TMEM108: variants seen among roughly 807,000 people sequenced by gnomAD.
The protein encoded by TMEM108 is transmembrane protein 108.
A neutral mutation model predicts 35.1 loss-of-function variants in TMEM108; 12 were observed. The ratio of observed to expected loss-of-function variants is 0.34; its 90% CI spans 0.22 to 0.55. The LOEUF is 0.55. Among genes scored for constraint, TMEM108 ranks in the 20% least tolerant of loss-of-function variants. The pLI is 0.89. For synonymous variants in TMEM108, 287 were observed against 308.6 expected (o/e 0.93, Z 0.73); for missense variants, 680 against 753.3 (o/e 0.90, Z 1.14).
chr3:133,207,422 G>A (rs1045869440), intron 2 of TMEM108, among the ~76,000 whole-genome samples: 9 of 152,052 alleles, frequency 5.9e-5, no homozygotes, highest in African/African-American at 2.2e-4. Context: ...AGCTGTTCCT[G>A]TTTGGCCATC....
intron 2 of TMEM108, among the ~76,000 whole-genome samples, chr3:133,150,769 C>T (rs1044050481): frequency 6.6e-6 from 1 of 152,110 alleles, no homozygotes; most frequent in Admixed American, 6.6e-5. Flanking sequence ...GAGAAGTAGT[C>T]TGATGGCGCA....
chr3:133,053,801 T>C (rs1943433849), intron 2 of TMEM108, among the ~76,000 whole-genome samples: 1 of 152,198 alleles, frequency 6.6e-6, no homozygotes, highest in Non-Finnish European at 1.5e-5. Flanking sequence ...GTTCAGCATT[T>C]CCATTTTAGA....
intron 2 of TMEM108, among the ~76,000 whole-genome samples, chr3:133,150,400 G>A (rs61674656): frequency 0.28 from 36,363 of 131,140 alleles, 5,307 homozygotes; most frequent in African/African-American, 0.42. Context: ...TCGGATATTA[G>A]CCACCTATTA....
At chr3:133,365,388 T>C (rs550174204) in intron 3 of TMEM108, among the ~76,000 whole-genome samples, 3 of 152,356 alleles carry the variant, frequency 2.0e-5, no homozygotes. Flanking sequence ...TTCTGGCATT[T>C]ATTTTCTCTC....
intron 2 of TMEM108, among the ~76,000 whole-genome samples, chr3:133,178,119 C>A (rs916911530): frequency 1.3e-5 from 2 of 152,136 alleles, no homozygotes; most frequent in African/African-American, 4.8e-5. Flanking sequence ...ATGTGAAGGA[C>A]CTCTTCAAGG....
chr3:133,227,754 A>T (rs1175016857), intron 2 of TMEM108, among the ~76,000 whole-genome samples: 1 of 151,516 alleles, frequency 6.6e-6, no homozygotes, highest in Non-Finnish European at 1.5e-5. Flanking sequence ...AATTAGCTGG[A>T]TGTGGTGGTG....
At chr3:133,066,503 C>A (rs939590172) in intron 2 of TMEM108, among the ~76,000 whole-genome samples, 1 of 151,868 alleles carries the variant, frequency 6.6e-6, no homozygotes, top group Non-Finnish European at 1.5e-5. Flanking sequence ...CTTTTAGGGC[C>A]GATATTCATG....
chr3:133,264,788 T>C (rs1946674042), intron 3 of TMEM108, among the ~76,000 whole-genome samples: 1 of 152,180 alleles, frequency 6.6e-6, no homozygotes. Flanking sequence ...TTACCTACCC[T>C]ATAGGCTTAC....
At chr3:133,181,008 T>TGAAAAAAAAAAAA (rs1342312044) in intron 2 of TMEM108, among the ~76,000 whole-genome samples, 1 of 75,866 alleles carries the variant, frequency 1.3e-5, no homozygotes, top group Non-Finnish European at 2.5e-5. Flanking sequence ...GCAGTTGTGT[T>TGAAAAAAAAAAAA]AAAAAAAAAA....
At chr3:133,086,061 A>T (rs1345494597) in intron 2 of TMEM108, among the ~76,000 whole-genome samples, 1 of 152,212 alleles carries the variant, frequency 6.6e-6, no homozygotes, top group East Asian at 1.9e-4. Context: ...ATTATTGCTT[A>T]CTAAGGAGAT....
At chr3:133,050,978 G>T (rs200656643) in intron 2 of TMEM108, among the ~76,000 whole-genome samples, 1 of 145,368 alleles carries the variant, frequency 6.9e-6, no homozygotes, top group African/African-American at 2.5e-5. Flanking sequence ...CTGTGTGCGA[G>T]TTTTTTTTTT....
At chr3:133,219,314 T>A (rs182481538) in intron 2 of TMEM108, among the ~76,000 whole-genome samples, 18 of 152,218 alleles carry the variant, frequency 1.2e-4, no homozygotes, top group Admixed American at 1.1e-3. Context: ...GTTTCATTGA[T>A]CTTTTCTATT....
At chr3:133,304,299 T>G (rs1947271477) in intron 3 of TMEM108, among the ~76,000 whole-genome samples, 1 of 152,194 alleles carries the variant, frequency 6.6e-6, no homozygotes, top group Non-Finnish European at 1.5e-5. Context: ...GTCTCATATA[T>G]TGCATGTTCC....
chr3:133,111,604 T>G (rs1433775074), intron 2 of TMEM108, among the ~76,000 whole-genome samples: 1 of 152,182 alleles, frequency 6.6e-6, no homozygotes, highest in Non-Finnish European at 1.5e-5. Flanking sequence ...TGCTTCATTT[T>G]TAATATTTTG....
Position 133,126,104 on chromosome 3 carries a change from C to T in TMEM108, c.-47+80084C>T, listed in dbSNP as rs1188775810. On this transcript the variant is annotated intron_variant, in intron 2 of 5. Transcript: ENST00000321871. ...AGAAAGACTATCCTTGGGCTTTTCA[C>T]ATGGTGAACCCTAGTGTGATTTTGA... Among the ~76,000 whole-genome samples, 3 of 152,258 alleles carry T rather than the reference C, an allele frequency of 2.0e-5. No homozygotes were observed. In the East Asian group the frequency reaches 5.8e-4, roughly 29 times the overall value.
At chr3:133,142,580 C>T (rs1454995910) in intron 2 of TMEM108, among the ~76,000 whole-genome samples, 1 of 152,138 alleles carries the variant, frequency 6.6e-6, no homozygotes. Flanking sequence ...CTCCACATGT[C>T]CCTGCTCCCT....
intron 2 of TMEM108, among the ~76,000 whole-genome samples, chr3:133,226,632 A>G (rs747671877): frequency 2.0e-5 from 3 of 152,142 alleles, no homozygotes; most frequent in Non-Finnish European, 4.4e-5. Flanking sequence ...GGCCTGAGCT[A>G]GTTTTTCAGG....
intron 3 of TMEM108, among the ~76,000 whole-genome samples, chr3:133,245,582 GC>G (rs1458036182): frequency 2.0e-5 from 3 of 152,088 alleles, no homozygotes; most frequent in Non-Finnish European, 4.4e-5. Context: ...TTTGTTTATT[GC>G]CTACAGTCAG....
At chr3:133,384,815 A>G (rs2073104515) in intron 4 of TMEM108, among the ~76,000 whole-genome samples, 1 of 152,096 alleles carries the variant, frequency 6.6e-6, no homozygotes, top group Non-Finnish European at 1.5e-5. Context: ...CCATTTTTGA[A>G]AATGCCTTCA....
Sources: gnomAD v4.1 joint callset for allele counts (sites outside exome capture counted in the v4.1 genomes callset) on GRCh38, gnomAD v4.1.1 for gene constraint, MANE v1.5 for transcripts, NCBI Gene and HGNC (gene_info 2026-07-23, HGNC 2026-07-21) for gene names.